KANSL1: variants seen among roughly 807,000 people sequenced by gnomAD.
KANSL1 encodes the protein KAT8 regulatory NSL complex subunit 1.
KANSL1 carries 22 observed loss-of-function variants against 103.6 expected under a neutral mutation model. The ratio of observed to expected loss-of-function variants is 0.21; its 90% CI spans 0.15 to 0.30. The LOEUF is 0.30. Among genes scored for constraint, KANSL1 ranks in the 10% least tolerant of loss-of-function variants. The pLI, the probability that KANSL1 is intolerant of heterozygous loss-of-function variation, is 1.00. For missense variants in KANSL1, 1,337 were observed against 1,399.8 expected (o/e 0.96, Z 0.72); for synonymous variants, 600 against 527.6 (o/e 1.14, Z -1.88).
chr17:46,155,605 T>C (rs1208079754), intron 2 of KANSL1, among the ~76,000 whole-genome samples: 1 of 152,212 alleles, frequency 6.6e-6, no homozygotes, highest in Non-Finnish European at 1.5e-5. Flanking sequence ...ATTCTTACAG[T>C]GCACAGAATA....
At chr17:46,192,505 G>A (rs2047386386) in intron 1 of KANSL1, 1 of 152,776 alleles carries the variant, frequency 6.5e-6, no homozygotes. Flanking sequence ...GAGTTTGTTT[G>A]GGGGGTTCTT....
intron 6 of KANSL1, among the ~76,000 whole-genome samples, chr17:46,062,354 GCTTTTTT>G (rs2078206058): frequency 9.1e-6 from 1 of 109,640 alleles, no homozygotes; most frequent in African/African-American, 3.0e-5. Flanking sequence ...TATAACAACA[GCTTTTTT>G]TTTTTTTTTT....
chr17:46,214,685 G>A (rs1370618411), intron 1 of KANSL1, among the ~76,000 whole-genome samples: 1 of 152,172 alleles, frequency 6.6e-6, no homozygotes, highest in Non-Finnish European at 1.5e-5. Context: ...ACAGCAAGCA[G>A]TGAGGATAAA....
intron 2 of KANSL1, among the ~76,000 whole-genome samples, chr17:46,103,049 C>A (rs1451149072): frequency 6.6e-6 from 1 of 152,158 alleles, no homozygotes; most frequent in Non-Finnish European, 1.5e-5. Flanking sequence ...AAAGAAACGA[C>A]ATGTATACAA....
chr17:46,112,685 A>AAAAAC (rs918549481), intron 2 of KANSL1, among the ~76,000 whole-genome samples: 10 of 152,158 alleles, frequency 6.6e-5, no homozygotes, highest in East Asian at 1.9e-4. Flanking sequence ...ATTGTCTCCA[A>AAAAAC]AAAACAAAAC....
chr17:46,059,931 T>C (rs1286699935), intron 6 of KANSL1, among the ~76,000 whole-genome samples: 2 of 151,870 alleles, frequency 1.3e-5, no homozygotes, highest in Non-Finnish European at 2.9e-5. Context: ...AGACTCCATC[T>C]TGGGGGAGGG....
chr17:46,135,416 T>C (rs9915547), intron 2 of KANSL1, among the ~76,000 whole-genome samples: 36,108 of 151,622 alleles, frequency 0.24, 5,008 homozygotes, highest in African/African-American at 0.36. Context: ...CCATGAGAAA[T>C]CTCTCCATCT....
rs1243157220 is a variant in KANSL1, at chr17:46,192,970, C to G, written c.-237G>C. The G allele has an allele frequency of 2.0e-5, 3 of 151,542 alleles. No individual in the cohort carries two copies. Among genetic ancestry groups the G allele is most frequent in the East Asian group, 1.9e-4 (1 of 5,136 alleles). The allele number at this position is 151,542 out of a possible 1,614,324, so 9.4% of individuals were successfully genotyped here. A position where few individuals can be genotyped will look rare whatever the true frequency, so the allele number is the denominator to read the frequency against. On this transcript the variant is annotated 5_prime_UTR_variant, in exon 1 of 15. Transcript: ENST00000432791. ...GGCCCGGGCCCGCCGCTCTCCTCCCCCCGACGCCCGGAGCCGCCCTGACTT... is the reference window on the plus strand; with the variant it reads ...GGCCCGGGCCCGCCGCTCTCCTCCCGCCGACGCCCGGAGCCGCCCTGACTT...
At chr17:46,209,498 G>C (rs1370030142) in intron 1 of KANSL1, among the ~76,000 whole-genome samples, 1 of 152,106 alleles carries the variant, frequency 6.6e-6, no homozygotes, top group South Asian at 2.1e-4. Flanking sequence ...TGGGTTTTTT[G>C]TTGTTGTTTT....
At chr17:46,191,101 G>GA (rs1205438461) in intron 1 of KANSL1, among the ~76,000 whole-genome samples, 2 of 152,076 alleles carry the variant, frequency 1.3e-5, no homozygotes, top group South Asian at 2.1e-4. Context: ...AACCTATGTA[G>GA]AAAAAACCAG....
At chr17:46,173,705 A>T (rs1490259487) in intron 1 of KANSL1, among the ~76,000 whole-genome samples, 1 of 152,268 alleles carries the variant, frequency 6.6e-6, no homozygotes, top group Non-Finnish European at 1.5e-5. Context: ...ATCAAGGAAG[A>T]GGCACCAAAC....
intron 4 of KANSL1, among the ~76,000 whole-genome samples, chr17:46,072,120 G>A (rs2078601636): frequency 6.6e-6 from 1 of 151,684 alleles, no homozygotes; most frequent in Non-Finnish European, 1.5e-5. Flanking sequence ...AAGTAAGCGT[G>A]ACAAAGAGGC....
intron 2 of KANSL1, among the ~76,000 whole-genome samples, chr17:46,130,768 T>C (rs1225028317): frequency 6.6e-6 from 1 of 152,118 alleles, no homozygotes; most frequent in Non-Finnish European, 1.5e-5. Context: ...ACATAGAAGA[T>C]AGAAAATAAC....
intron 6 of KANSL1, among the ~76,000 whole-genome samples, chr17:46,050,991 G>A (rs2077692985): frequency 6.6e-6 from 1 of 152,134 alleles, no homozygotes; most frequent in African/African-American, 2.4e-5. Flanking sequence ...TCAAACTTCT[G>A]ACAGTTTAAA....
intron 2 of KANSL1, among the ~76,000 whole-genome samples, chr17:46,147,569 C>CCG (rs1567729703): frequency 2.2e-5 from 2 of 89,752 alleles, no homozygotes; most frequent in African/African-American, 4.4e-5. Flanking sequence ...GAGTGAGACT[C>CCG]TTTAAAAAAA....
chr17:46,169,081 G>A (rs2046151845), intron 2 of KANSL1, among the ~76,000 whole-genome samples: 1 of 152,182 alleles, frequency 6.6e-6, no homozygotes. Context: ...CAAAATAAGT[G>A]CATGCAATTT....
At chr17:46,184,092 A>G (rs1324862245) in intron 1 of KANSL1, among the ~76,000 whole-genome samples, 2 of 152,218 alleles carry the variant, frequency 1.3e-5, no homozygotes, top group Non-Finnish European at 2.9e-5. Context: ...TTTACCATAA[A>G]TATTTAATTT....
intron 7 of KANSL1, among the ~76,000 whole-genome samples, chr17:46,048,149 G>A (rs2077582997): frequency 6.6e-6 from 1 of 151,976 alleles, no homozygotes; most frequent in Non-Finnish European, 1.5e-5. Flanking sequence ...CTCAGATGAT[G>A]AACCCGCCAC....
chr17:46,102,895 A>C (rs1231738863), intron 2 of KANSL1, among the ~76,000 whole-genome samples: 11 of 152,242 alleles, frequency 7.2e-5, no homozygotes, highest in Non-Finnish European at 2.9e-5. Flanking sequence ...TAACTATGTC[A>C]GATTTAGACT....
Sources: allele counts gnomAD v4.1 joint callset (sites outside exome capture counted in the v4.1 genomes callset), GRCh38; gene constraint gnomAD v4.1.1; transcripts MANE v1.5; gene names NCBI Gene and HGNC (gene_info 2026-07-23, HGNC 2026-07-21).